VEGFD: variants seen among roughly 807,000 people sequenced by gnomAD.
VEGFD encodes the protein c-fos induced growth factor (vascular endothelial growth factor D).
In VEGFD, 26 loss-of-function variants were observed where a neutral mutation model predicts 28.0. That is an observed-to-expected ratio of 0.93 (90% confidence interval 0.68 to 1.29). The LOEUF (loss-of-function observed/expected upper bound fraction) is 1.29, where lower values mean the gene tolerates loss of function less well. Ranked by LOEUF, VEGFD falls within the 50% of genes most tolerant of loss-of-function variation. VEGFD has a pLI of 0.00. For missense variants in VEGFD, 294 were observed against 273.4 expected (o/e 1.08, Z -0.53); for synonymous variants, 93 against 95.5 (o/e 0.97, Z 0.15).
chrX:15,357,305 C>T (rs1922891104), intron 3 of VEGFD, among the ~76,000 whole-genome samples: 1 of 111,571 alleles, frequency 9.0e-6, no homozygotes, highest in African/African-American at 3.3e-5. Context: ...ACCATCCTCT[C>T]CCCTTCCTTC....
chrX:15,349,305 C>G (rs1395949664), intron 5 of VEGFD, among the ~76,000 whole-genome samples: 1 of 112,798 alleles, frequency 8.9e-6, no homozygotes, highest in Non-Finnish European at 1.9e-5. Flanking sequence ...ACACAATCCA[C>G]AAGGTGTTTG....
At chrX:15,382,982 C>T (rs772222905) in intron 1 of VEGFD, among the ~76,000 whole-genome samples, 5 of 111,618 alleles carry the variant, frequency 4.5e-5, no homozygotes, top group African/African-American at 9.8e-5. Flanking sequence ...CATCCCTCCA[C>T]GAACCAATTT....
At position 15,353,161 on chromosome X, in the gene VEGFD, G is replaced by C; in HGVS notation, c.649C>G (p.His217Asp). Residue 217 changes from histidine (H) to aspartate (D), a missense_variant, in exon 5 of 7, where the codon CAT (histidine) becomes GAT (aspartate). Coordinates refer to ENST00000297904, the MANE Select transcript of VEGFD (RefSeq NM_004469.5). ...IQIPEEDRCS[H>D]SKKLCPIDML... ...TCAATAGGACAGAGTTTCTTGGAAT[G>C]GGAACAGCTAGGAAAAGAAAACAAT... 1 of 1,120,279 alleles carries C rather than the reference G, an allele frequency of 8.9e-7. No homozygotes were observed. 92.3% of individuals were successfully genotyped at this position (1,120,279 alleles called of 1,213,427 possible).
intron 6 of VEGFD, 93 bp downstream of exon 6, chrX:15,347,071 G>A: frequency 1.2e-6 from 1 of 855,349 alleles, no homozygotes; most frequent in Non-Finnish European, 1.7e-6. Flanking sequence ...AGGCACCAAG[G>A]GGAAAAATTA....
chrX:15,364,681 T>C (rs1923103430), intron 1 of VEGFD, among the ~76,000 whole-genome samples: 1 of 111,294 alleles, frequency 9.0e-6, no homozygotes, highest in South Asian at 3.8e-4. Context: ...AGGCCATTTG[T>C]AGAGCTGGGA....
At chrX:15,357,937 G>C (rs964197760) in intron 3 of VEGFD, 66 bp downstream of exon 3, 2 of 956,060 alleles carry the variant, frequency 2.1e-6, no homozygotes, top group Admixed American at 5.4e-5. Context: ...CAACAAGGTT[G>C]TTGTAGCTAT....
Position 15,358,018 on chromosome X carries a change from C to T in VEGFD, c.477G>A (p.Ser159=), listed in dbSNP as rs747381804. Reference sequence around the variant, plus strand: ...GTCCTTATACCTGTTTGGAAATGTACGAGGTGCTGGTGTTCATACAGATAA... The same window carrying T: ...GTCCTTATACCTGTTTGGAAATGTATGAGGTGCTGGTGTTCATACAGATAA... ...ESLICMNTST[S]YISKQLFEIS... is the part of the protein sequence containing the mutation. The change falls in exon 3 of 7, where the codon TCG becomes TCA. Residue 159 remains serine (S), a synonymous_variant. Transcript: ENST00000297904. The T allele has an allele frequency of 1.7e-5, 20 of 1,208,613 alleles. No homozygotes were observed. The highest frequency in any genetic ancestry group is 2.2e-5 in the Admixed American group (1 of 45,671).
intron 2 of VEGFD, among the ~76,000 whole-genome samples, chrX:15,362,846 T>A (rs192973687): frequency 8.9e-6 from 1 of 112,114 alleles, no homozygotes; most frequent in East Asian, 2.8e-4. Flanking sequence ...CTGGGTTTTC[T>A]TTGCCCCCAC....
intron 1 of VEGFD, among the ~76,000 whole-genome samples, chrX:15,376,258 G>C (rs750003159): frequency 1.8e-5 from 2 of 111,823 alleles, no homozygotes; most frequent in East Asian, 5.6e-4. Context: ...ATGATTGCAC[G>C]TTTTTCTATT....
rs752704690 is a variant in VEGFD at position 15,383,418 on chromosome X, T to C, written c.90+439A>G. ...ATTTGCAAAAGCAGATAGAAAATGT[T>C]CATAGAAAGCACTGCAATTTTCAAT... On this transcript the variant is annotated intron_variant, in intron 1 of 6. Coordinates refer to ENST00000297904, the MANE Select transcript of VEGFD (RefSeq NM_004469.5). Among the ~76,000 whole-genome samples, 5 of 112,510 alleles carry C rather than the reference T, an allele frequency of 4.4e-5. No homozygotes were observed. In the South Asian group the frequency reaches 1.8e-3, roughly 41 times the overall value.
At chrX:15,357,946 A>G (rs1922906871) in intron 3 of VEGFD, 57 bp downstream of exon 3, 2 of 1,024,355 alleles carry the variant, frequency 2.0e-6, no homozygotes, top group Admixed American at 5.1e-5. Context: ...TGTTGTAGCT[A>G]TCAACACTAT....
In VEGFD at chrX:15,382,723, G is replaced by A. The variant is rs182910786; in HGVS notation, c.90+1134C>T. Among the ~76,000 whole-genome samples the A allele has an allele frequency of 3.5e-3, 393 of 111,032 alleles. 2 individuals are homozygous for A. Among genetic ancestry groups the A allele is most frequent in the Non-Finnish European group, 6.0e-3 (319 of 53,010 alleles). ...AGCCAAACACTGTGATTTCTCCCAT[G>A]TAAATTTGGAATTTGAGAAGTTAGA... On this transcript the variant is annotated intron_variant, in intron 1 of 6. Coordinates refer to ENST00000297904, the MANE Select transcript of VEGFD (RefSeq NM_004469.5).
intron 1 of VEGFD, 142 bp from the exon 2 acceptor site, chrX:15,363,461 A>C: frequency 2.0e-6 from 1 of 501,568 alleles, no homozygotes; most frequent in Non-Finnish European, 3.2e-6. Flanking sequence ...GCCTAGGAAA[A>C]AGGATATCTT....
intron 1 of VEGFD, among the ~76,000 whole-genome samples, chrX:15,379,127 C>G (rs991421148): frequency 8.1e-5 from 9 of 111,747 alleles, no homozygotes; most frequent in African/African-American, 2.6e-4. Flanking sequence ...TCCGCTCCCC[C>G]TACTTGATTT....
chrX:15,368,405 C>T (rs1331626910), intron 1 of VEGFD, among the ~76,000 whole-genome samples: 2 of 112,334 alleles, frequency 1.8e-5, no homozygotes, highest in African/African-American at 6.5e-5. Flanking sequence ...TTACTTTCAA[C>T]CCCAGAATTT....
intron 1 of VEGFD, among the ~76,000 whole-genome samples, chrX:15,381,801 T>C (rs1422615625): frequency 2.7e-5 from 3 of 111,988 alleles, no homozygotes; most frequent in Admixed American, 9.5e-5. Flanking sequence ...AATAATTTAA[T>C]TGAGCGAGGG....
At chrX:15,374,685 T>G (rs762370254) in intron 1 of VEGFD, among the ~76,000 whole-genome samples, 8 of 111,352 alleles carry the variant, frequency 7.2e-5, no homozygotes, top group Non-Finnish European at 1.3e-4. Flanking sequence ...TGTGTTAGAA[T>G]TCATAGAACT....
intron 5 of VEGFD, among the ~76,000 whole-genome samples, chrX:15,348,965 T>C (rs1435246451): frequency 1.8e-5 from 2 of 112,478 alleles, no homozygotes; most frequent in Non-Finnish European, 3.8e-5. Context: ...TTCTTGCCAA[T>C]ATCTGACTTT....
chrX:15,351,009 A>ACATCAC (rs1161681549), intron 5 of VEGFD, among the ~76,000 whole-genome samples: 2 of 68,543 alleles, frequency 2.9e-5, no homozygotes, highest in Non-Finnish European at 5.2e-5. Flanking sequence ...CTACAGGCGC[A>ACATCAC]CATCACCATG....
Sources: gnomAD v4.1 joint callset for allele counts (sites outside exome capture counted in the v4.1 genomes callset) on GRCh38, gnomAD v4.1.1 for gene constraint, MANE v1.5 for transcripts, NCBI Gene and HGNC (gene_info 2026-07-23, HGNC 2026-07-21) for gene names.